Variants in PCDHGA2 observed in about 807,000 individuals in gnomAD.
PCDHGA2 encodes the protein protocadherin gamma subfamily A, 2.
In PCDHGA2, 40 loss-of-function variants were observed where a neutral mutation model predicts 59.2. That is an observed-to-expected ratio of 0.68 (90% CI 0.52 to 0.88). The LOEUF (loss-of-function observed/expected upper bound fraction) is 0.88, where lower values mean the gene tolerates loss of function less well. Among genes scored for constraint, PCDHGA2 ranks in the 40% least tolerant of loss-of-function variants. PCDHGA2 has a pLI of 0.00. For synonymous variants in PCDHGA2, 560 were observed against 526.0 expected (o/e 1.06, Z -0.89); for missense variants, 1,226 against 1,204.0 (o/e 1.02, Z -0.27).
chr5:141,356,644 G>A, intron 1 of PCDHGA2: 10 of 1,614,084 alleles, frequency 6.2e-6, no homozygotes, highest in Non-Finnish European at 8.5e-6. Flanking sequence ...CCCTGACAGT[G>A]GTGACAATGC....
chr5:141,418,985 T>G, intron 1 of PCDHGA2: 1 of 1,613,882 alleles, frequency 6.2e-7, no homozygotes, highest in Non-Finnish European at 8.5e-7. Context: ...GGACCAAGAC[T>G]CAGGGGAAAA....
intron 2 of PCDHGA2, among the ~76,000 whole-genome samples, chr5:141,496,538 T>G (rs568286018): frequency 1.5e-4 from 23 of 152,266 alleles, no homozygotes; most frequent in African/African-American, 5.5e-4. Flanking sequence ...TGGCAGAGAT[T>G]CCAGCTTCTG....
chr5:141,485,858 C>A lies in PCDHGA2; in HGVS notation c.2425-8949C>A, dbSNP rs1431906047. 8.1e-6 allele frequency: 13 copies of A among 1,614,162 alleles called. No individual in the cohort carries two copies. The South Asian group carries it at 1.4e-4, about 18-fold the overall frequency. ...GCCGAGATCTGGCACCGCAGAGCTC[C>A]GGGTATCCGTGCTGGACGTAAACGA... On this transcript the variant is annotated intron_variant, in intron 1 of 3. Coordinates refer to ENST00000394576, the MANE Select transcript of PCDHGA2 (RefSeq NM_018915.4). This position sits in a 1 kb window ranked among gnomAD's most constrained non-coding sequence, Gnocchi z 5.7.
At position 141,345,562 on chromosome 5, in the gene PCDHGA2, A is replaced by G. The variant is rs771160104; in HGVS notation, c.2424+4167A>G. Reference sequence around the variant, plus strand: ...TCCTCCTTCGTCTCTATCAACTCCAACACTGGCGTCCTATACGCGCTGAGA... The same window carrying G: ...TCCTCCTTCGTCTCTATCAACTCCAGCACTGGCGTCCTATACGCGCTGAGA... On this transcript the variant is annotated intron_variant, in intron 1 of 3. Coordinates refer to ENST00000394576, the MANE Select transcript of PCDHGA2 (RefSeq NM_018915.4). 33 of 1,614,006 alleles carry G rather than the reference A, an allele frequency of 2.0e-5. No homozygotes were observed. Among genetic ancestry groups the G allele is most frequent in the Middle Eastern group, 1.6e-4 (1 of 6,084 alleles).
intron 1 of PCDHGA2, among the ~76,000 whole-genome samples, chr5:141,460,445 G>A (rs896549154): frequency 7.2e-5 from 11 of 152,144 alleles, no homozygotes; most frequent in Admixed American, 5.9e-4. Flanking sequence ...AGGTAACAAT[G>A]AAGATTCATA....
rs543209695 is a variant in PCDHGA2, at chr5:141,431,563, C to A, written c.2425-63244C>A. The stretch of plus-strand genomic sequence containing the variant: ...AGCTGCTTGTAGTCAACGCTACCGA[C>A]CCTGACGAAGGAGTCAATGCGGAAG... On this transcript the variant is annotated intron_variant, in intron 1 of 3. Coordinates refer to ENST00000394576, the MANE Select transcript of PCDHGA2 (RefSeq NM_018915.4). The surrounding 1 kb of genome is among the most constrained non-coding windows in gnomAD (Gnocchi z 4.8). 1.2e-6 allele frequency: 2 copies of A among 1,614,144 alleles called. No individual in the cohort carries two copies. The highest frequency in any genetic ancestry group is 2.7e-5 in the African/African-American group (2 of 75,072).
intron 1 of PCDHGA2, chr5:141,355,919 C>T: frequency 6.2e-7 from 1 of 1,613,812 alleles, no homozygotes; most frequent in Non-Finnish European, 8.5e-7. Flanking sequence ...GATAATGCTC[C>T]CGTGTTCACT....
chr5:141,364,599 T>G, intron 1 of PCDHGA2: 1 of 1,614,178 alleles, frequency 6.2e-7, no homozygotes, highest in Non-Finnish European at 8.5e-7. Context: ...GCGGGCAGGA[T>G]AGACCGGGAG....
intron 1 of PCDHGA2, chr5:141,365,437 T>C (rs1763915264): frequency 6.2e-7 from 1 of 1,614,022 alleles, no homozygotes. Context: ...TCGCGCTGTT[T>C]AGCGTACATG....
At chr5:141,414,439 T>A in intron 1 of PCDHGA2, 1 of 1,613,874 alleles carries the variant, frequency 6.2e-7, no homozygotes, top group East Asian at 2.2e-5. Context: ...GGTATCCTCT[T>A]ACAATATCAC....
rs987203685 is a variant in PCDHGA2 at position 141,403,829 on chromosome 5, C to A, written c.2424+62434C>A. ...TAATGAAAAACAATCTCTGCTATTC[C>A]AGCTTAATGAAAATACTGGGGAAAT... is the stretch of plus-strand genomic sequence containing the variant. On this transcript the variant is annotated intron_variant, in intron 1 of 3. Transcript: ENST00000394576. 1.2e-6 allele frequency: 2 copies of A among 1,613,602 alleles called. No homozygotes were observed. The highest frequency in any genetic ancestry group is 2.2e-5 in the East Asian group (1 of 44,884).
intron 1 of PCDHGA2, among the ~76,000 whole-genome samples, chr5:141,347,143 CT>C (rs1561493446): frequency 9.6e-6 from 1 of 103,960 alleles, no homozygotes; most frequent in Non-Finnish European, 2.3e-5. Flanking sequence ...TTCTCTCTTT[CT>C]TTCTTTCTTT....
At chr5:141,375,842 C>A (rs547807235) in intron 1 of PCDHGA2, 13 of 1,614,122 alleles carry the variant, frequency 8.1e-6, no homozygotes, top group Non-Finnish European at 1.1e-5. Flanking sequence ...GCCCGGCTAC[C>A]TGGTGACCAA....
At chr5:141,407,958 A>C (rs1018466165) in intron 1 of PCDHGA2, 1 of 660,632 alleles carries the variant, frequency 1.5e-6, no homozygotes, top group African/African-American at 1.8e-5. Context: ...GCCAGTGCAG[A>C]GCAAGCGCTG....
At chr5:141,398,819 A>C (rs571120530) in intron 1 of PCDHGA2, 1 of 1,613,994 alleles carries the variant, frequency 6.2e-7, no homozygotes, top group East Asian at 2.2e-5. Flanking sequence ...CTCCGGATCC[A>C]GGTAACCGAC....
chr5:141,421,195 G>C (rs1305388921), intron 1 of PCDHGA2: 2 of 1,504,878 alleles, frequency 1.3e-6, no homozygotes, highest in Non-Finnish European at 1.8e-6. Context: ...CAACCAGCTC[G>C]AGAAACCGCG....
chr5:141,374,574 T>C, intron 1 of PCDHGA2: 1 of 1,613,746 alleles, frequency 6.2e-7, no homozygotes, highest in Non-Finnish European at 8.5e-7. Flanking sequence ...GATGTGGGAA[T>C]GAACTCCCTT....
At chr5:141,495,558 A>G (rs2099762084) in intron 2 of PCDHGA2, among the ~76,000 whole-genome samples, 1 of 151,662 alleles carries the variant, frequency 6.6e-6, no homozygotes, top group Admixed American at 6.6e-5. Flanking sequence ...TCGCTTTGCA[A>G]TCTCTGCCTC....
At chr5:141,457,514 CAATT>C (rs1258794594) in intron 1 of PCDHGA2, among the ~76,000 whole-genome samples, 2 of 152,260 alleles carry the variant, frequency 1.3e-5, no homozygotes, top group African/African-American at 4.8e-5. Context: ...AGCTTAAAAA[CAATT>C]AATGAGACTA....
Sources: allele counts gnomAD v4.1 joint callset (sites outside exome capture counted in the v4.1 genomes callset), GRCh38; gene constraint gnomAD v4.1.1; non-coding constraint Gnocchi (gnomAD v3.1); transcripts MANE v1.5; gene names NCBI Gene and HGNC (gene_info 2026-07-23, HGNC 2026-07-21).